The following TRPM7 variants were observed in gnomAD, a reference collection of about 807,000 sequenced individuals.
TRPM7 encodes the protein LTRPC ion channel family member 7.
Under a neutral mutation model 229.7 loss-of-function variants are expected in TRPM7, and 134 were observed. The observed-to-expected ratio is 0.58, with a 90% CI of 0.51 to 0.67. The LOEUF (loss-of-function observed/expected upper bound fraction) is 0.67. Ranked by LOEUF, TRPM7 falls within the 30% of genes least tolerant of loss-of-function variation. TRPM7 has a pLI of 0.00. For missense variants in TRPM7, 1,901 were observed against 2,210.0 expected (o/e 0.86, Z 2.80); for synonymous variants, 699 against 715.2 (o/e 0.98, Z 0.36).
At chr15:50,677,086 T>G (rs1340781825) in intron 1 of TRPM7, among the ~76,000 whole-genome samples, 1 of 152,080 alleles carries the variant, frequency 6.6e-6, no homozygotes, top group Non-Finnish European at 1.5e-5. Context: ...GGATAACAAC[T>G]GAAACAAATT....
At chr15:50,679,651 C>T (rs2062201024) in intron 1 of TRPM7, among the ~76,000 whole-genome samples, 1 of 149,480 alleles carries the variant, frequency 6.7e-6, no homozygotes, top group African/African-American at 2.5e-5. Flanking sequence ...TTCTCATGCC[C>T]CAGTCTCACA....
At chr15:50,603,453 C>G (rs764948575) in intron 21 of TRPM7, among the ~76,000 whole-genome samples, 5 of 151,866 alleles carry the variant, frequency 3.3e-5, no homozygotes, top group Non-Finnish European at 7.4e-5. Flanking sequence ...TATCCCTCCC[C>G]CTGCCCCCCA....
At chr15:50,640,473 A>G (rs1227845972) in intron 5 of TRPM7, among the ~76,000 whole-genome samples, 1 of 141,132 alleles carries the variant, frequency 7.1e-6, no homozygotes, top group African/African-American at 2.7e-5. Context: ...TTTTTTTTAG[A>G]AAGTGTCTTA....
intron 29 of TRPM7, among the ~76,000 whole-genome samples, chr15:50,582,785 G>A (rs760882728): frequency 5.3e-5 from 8 of 152,054 alleles, no homozygotes; most frequent in Non-Finnish European, 1.0e-4. Context: ...GTCAGTGTGT[G>A]CTTTTAAAGG....
intron 3 of TRPM7, among the ~76,000 whole-genome samples, chr15:50,651,442 G>A (rs2061417442): frequency 6.6e-6 from 1 of 151,488 alleles, no homozygotes; most frequent in African/African-American, 2.4e-5. Context: ...TCAGGAGATC[G>A]AGACCATCCT....
chr15:50,650,128 G>C (rs531010268), intron 3 of TRPM7, among the ~76,000 whole-genome samples: 34 of 138,056 alleles, frequency 2.5e-4, no homozygotes, highest in Non-Finnish European at 3.3e-4. Context: ...GGGAGGCGCA[G>C]ACCACAGTGA....
chr15:50,648,734 A>C lies in TRPM7; in HGVS notation c.274T>G (p.Tyr92Asp). The C allele has an allele frequency of 6.2e-7, 1 of 1,612,662 alleles. No homozygotes were observed. The highest frequency in any genetic ancestry group is 8.5e-7 in the Non-Finnish European group (1 of 1,179,200). The change falls in exon 4 of 39, where the codon TAT becomes GAT. Residue 92 changes from tyrosine to aspartate, a missense_variant. Transcript: ENST00000646667. ...CCCCCTTGAAAATTTATGACTCCATAAGCATCCGTTGGGCTCTGTTCTGTA... is the reference window on the plus strand; with the variant it reads ...CCCCCTTGAAAATTTATGACTCCATCAGCATCCGTTGGGCTCTGTTCTGTA... ...KHTEQSPTDA[Y>D]GVINFQGGSH...
intron 12 of TRPM7, among the ~76,000 whole-genome samples, chr15:50,623,804 A>G (rs968244866): frequency 9.2e-5 from 14 of 152,052 alleles, no homozygotes; most frequent in African/African-American, 3.4e-4. Flanking sequence ...AAAGAAAAAA[A>G]AAAAGAGAAA....
chr15:50,645,857 G>A (rs1486423729), intron 4 of TRPM7, among the ~76,000 whole-genome samples: 1 of 152,080 alleles, frequency 6.6e-6, no homozygotes, highest in Non-Finnish European at 1.5e-5. Flanking sequence ...ACACCTGCTT[G>A]AATACATTAG....
chr15:50,629,514 C>T (rs1045383170), intron 10 of TRPM7, among the ~76,000 whole-genome samples: 1 of 135,876 alleles, frequency 7.4e-6, no homozygotes, highest in Admixed American at 7.3e-5. Context: ...CTCAAGCAAT[C>T]TGCTTGCCTC....
At chr15:50,668,141 A>G (rs1395174062) in intron 1 of TRPM7, among the ~76,000 whole-genome samples, 1 of 152,210 alleles carries the variant, frequency 6.6e-6, no homozygotes, top group Non-Finnish European at 1.5e-5. Context: ...GTTTATAATC[A>G]GCTATAGGAC....
At chr15:50,606,391 C>T (rs1173403020) in intron 20 of TRPM7, among the ~76,000 whole-genome samples, 1 of 151,958 alleles carries the variant, frequency 6.6e-6, no homozygotes, top group Non-Finnish European at 1.5e-5. Context: ...AACAAACAAA[C>T]AAACAAACAA....
intron 3 of TRPM7, among the ~76,000 whole-genome samples, chr15:50,649,617 G>A (rs1400175332): frequency 2.0e-5 from 3 of 152,052 alleles, no homozygotes; most frequent in Admixed American, 1.3e-4. Flanking sequence ...TCAAGAAACC[G>A]TGAACTAATC....
rs930246781 is a variant in TRPM7 at position 50,560,222 on chromosome 15, A to G, written c.*1456T>C. The G allele has an allele frequency of 6.6e-6, 1 of 152,552 alleles. No homozygotes were observed. Among genetic ancestry groups the G allele is most frequent in the African/African-American group, 2.4e-5 (1 of 41,434 alleles). The allele number at this position is 152,552 out of a possible 1,614,324, so 9.4% of individuals were successfully genotyped here. On this transcript the variant is annotated 3_prime_UTR_variant, in exon 39 of 39. Transcript: ENST00000646667. ...ACAGGTATACAAATGGTTCATTTAAAAAAACTGATACTCAAATTGACACCC... is the reference window on the plus strand; with the variant it reads ...ACAGGTATACAAATGGTTCATTTAAGAAAACTGATACTCAAATTGACACCC...
intron 1 of TRPM7, among the ~76,000 whole-genome samples, chr15:50,670,241 G>C (rs531335251): frequency 4.5e-4 from 68 of 152,166 alleles, no homozygotes; most frequent in African/African-American, 1.5e-3. Context: ...ATAAAAGAAG[G>C]GGGGAAACGT....
chr15:50,603,806 A>T (rs1484885874), intron 21 of TRPM7: 2 of 152,232 alleles, frequency 1.3e-5, no homozygotes, highest in African/African-American at 4.8e-5. Context: ...TATTTATTAA[A>T]ATGGGACAAC....
In TRPM7 at chr15:50,580,962, A is replaced by G. The variant is rs2054375866; in HGVS notation, c.4558-54T>C. The G allele has an allele frequency of 3.2e-6, 5 of 1,541,736 alleles. No homozygotes were observed. The African/African-American group carries it at 5.6e-5, about 17-fold the overall frequency. ...AAAAACCTTAAAGACAAAAATCTCT[A>G]GATGAAGCATAACGGTTTAACTTTT... is the stretch of plus-strand genomic sequence containing the variant. On this transcript the variant is annotated intron_variant, in intron 29 of 38. Coordinates refer to ENST00000646667, the MANE Select transcript of TRPM7 (RefSeq NM_017672.6).
At chr15:50,576,354 G>A (rs2054136007) in intron 31 of TRPM7, among the ~76,000 whole-genome samples, 1 of 152,166 alleles carries the variant, frequency 6.6e-6, no homozygotes, top group Non-Finnish European at 1.5e-5. Context: ...GTGTGTGTGT[G>A]TGGAATTGAC....
intron 31 of TRPM7, 192 bp downstream of exon 31, chr15:50,578,447 T>C (rs748894820): frequency 7.2e-5 from 30 of 414,126 alleles, no homozygotes; most frequent in Non-Finnish European, 1.3e-4. Context: ...GATATCATCA[T>C]TCACAGGGTG....
Sources: allele counts gnomAD v4.1 joint callset (sites outside exome capture counted in the v4.1 genomes callset), GRCh38; gene constraint gnomAD v4.1.1; transcripts MANE v1.5; gene names NCBI Gene and HGNC (gene_info 2026-07-23, HGNC 2026-07-21).